PVT1: variants seen among roughly 807,000 people sequenced by gnomAD.
PVT1 encodes the protein Pvt1 oncogene, also known as CXCR4/PVT1 fusion.
rs59440311 is a variant in PVT1, at chr8:127,831,043, CGTGT to C, written n.372+34991_372+34994del. Among the ~76,000 whole-genome samples, 146 of 101,246 alleles carry C rather than the reference CGTGT, an allele frequency of 1.4e-3. 1 individual carries two copies. The highest frequency in any genetic ancestry group is 4.1e-3 in the African/African-American group (128 of 31,302). 66.4% of individuals were successfully genotyped at this position (101,246 alleles called of 152,430 possible). On this transcript the variant is annotated intron_variant and non_coding_transcript_variant, in intron 2 of 10. Coordinates refer to ENST00000651587, the Ensembl canonical transcript of PVT1. Reference sequence around the variant, plus strand: ...TAATAAACTCCTCTTTATATACATACGTGTGTGTGTGTGTGTGTGTGTATATATA... The same window carrying C: ...TAATAAACTCCTCTTTATATACATACGTGTGTGTGTGTGTGTGTATATATA...
intron 3 of PVT1, among the ~76,000 whole-genome samples, chr8:127,979,441 C>T (rs1816859335): frequency 6.6e-6 from 1 of 152,192 alleles, no homozygotes; most frequent in Non-Finnish European, 1.5e-5. Flanking sequence ...GACACAAGGC[C>T]TGAGCATCTG....
intron 2 of PVT1, among the ~76,000 whole-genome samples, chr8:127,816,918 AT>A (rs1410384305): frequency 6.6e-6 from 1 of 151,910 alleles, no homozygotes; most frequent in Non-Finnish European, 1.5e-5. Context: ...GCTGTAGCTT[AT>A]TTTTCACTGT....
intron 4 of PVT1, among the ~76,000 whole-genome samples, chr8:128,036,096 G>T (rs1586491322): frequency 6.6e-6 from 1 of 152,320 alleles, no homozygotes; most frequent in East Asian, 1.9e-4. Flanking sequence ...AGTGATGAAG[G>T]AGACTGAATG....
intron 4 of PVT1, among the ~76,000 whole-genome samples, chr8:128,044,401 T>C (rs1413159202): frequency 6.6e-6 from 1 of 152,158 alleles, no homozygotes; most frequent in Non-Finnish European, 1.5e-5. Context: ...GGTAAGTGCC[T>C]ACTAAATATT....
At chr8:127,974,908 T>C (rs1391944535) in intron 3 of PVT1, among the ~76,000 whole-genome samples, 1 of 152,178 alleles carries the variant, frequency 6.6e-6, no homozygotes, top group African/African-American at 2.4e-5. Flanking sequence ...TCACTTTTTT[T>C]TAATCCTAAA....
chr8:127,856,967 T>G (rs1295142027), intron 2 of PVT1, among the ~76,000 whole-genome samples: 1 of 152,222 alleles, frequency 6.6e-6, no homozygotes, highest in Non-Finnish European at 1.5e-5. Flanking sequence ...GGCTCATGCC[T>G]GTAATTCCAG....
intron 4 of PVT1, among the ~76,000 whole-genome samples, chr8:127,991,641 G>T (rs958912856): frequency 1.7e-4 from 26 of 152,164 alleles, no homozygotes; most frequent in African/African-American, 6.0e-4. Context: ...TCTGTCTCGG[G>T]GTGGGGTGAC....
chr8:127,973,035 G>A (rs907563913), intron 3 of PVT1, among the ~76,000 whole-genome samples: 1 of 152,144 alleles, frequency 6.6e-6, no homozygotes, highest in African/African-American at 2.4e-5. Context: ...AGGACTACAG[G>A]TTCATGCCAC....
intron 5 of PVT1, among the ~76,000 whole-genome samples, chr8:128,094,487 A>G (rs1586517001): frequency 6.6e-6 from 1 of 152,222 alleles, no homozygotes; most frequent in East Asian, 1.9e-4. Context: ...CTTTCACTCA[A>G]TGATGGCACA....
chr8:127,824,451 C>G (rs547774662), intron 2 of PVT1, among the ~76,000 whole-genome samples: 2 of 152,248 alleles, frequency 1.3e-5, no homozygotes, highest in Admixed American at 6.5e-5. Context: ...AGCCACCACT[C>G]CCAGCCAGGT....
At chr8:127,901,357 CT>C (rs1457549703) in intron 3 of PVT1, among the ~76,000 whole-genome samples, 1 of 152,086 alleles carries the variant, frequency 6.6e-6, no homozygotes, top group Non-Finnish European at 1.5e-5. Context: ...ACTGTAACCA[CT>C]TTATGAGTCT....
chr8:128,100,134 C>T, intron 6 of PVT1, among the ~76,000 whole-genome samples: 1 of 25,464 alleles, frequency 3.9e-5, no homozygotes, highest in Non-Finnish European at 8.7e-5. Context: ...TCCATCCCTC[C>T]CTCCCTTCCT....
intron 4 of PVT1, among the ~76,000 whole-genome samples, chr8:128,042,734 GTTTATTTTATTTTATTTTAT>G (rs57334940): frequency 1.8e-4 from 24 of 129,762 alleles, no homozygotes; most frequent in African/African-American, 6.7e-4. Flanking sequence ...GGACTAGGTG[GTTTATTTTATTTTATTTTAT>G]TTTATTTTAT....
intron 3 of PVT1, among the ~76,000 whole-genome samples, chr8:127,959,254 C>G (rs1816608077): frequency 6.6e-6 from 1 of 152,116 alleles, no homozygotes; most frequent in African/African-American, 2.4e-5. Flanking sequence ...TAAAGGAATT[C>G]TGGTATTCTA....
chr8:127,883,161 C>T lies in PVT1; in HGVS notation n.373-7428C>T, dbSNP rs780850202. 1.0e-4 allele frequency among the ~76,000 whole-genome samples: 15 copies of T among 150,100 alleles called. No homozygotes were observed. The South Asian group carries it at 1.3e-3, about 13-fold the overall frequency. Reference sequence around the variant, plus strand: ...GCACAGCCACACACACACTGGGAGACACTTATTATGGCTCCCCCTGCAAAC... The same window carrying T: ...GCACAGCCACACACACACTGGGAGATACTTATTATGGCTCCCCCTGCAAAC... On this transcript the variant is annotated intron_variant and non_coding_transcript_variant, in intron 2 of 10. Coordinates refer to ENST00000651587, the Ensembl canonical transcript of PVT1.
chr8:127,801,510 G>A (rs567465795), intron 2 of PVT1, among the ~76,000 whole-genome samples: 21 of 152,284 alleles, frequency 1.4e-4, no homozygotes, highest in African/African-American at 4.8e-4. Context: ...CAAAGTGTTG[G>A]GATTACAGGT....
chr8:127,866,192 C>G (rs1563625093), intron 2 of PVT1, among the ~76,000 whole-genome samples: 1 of 152,196 alleles, frequency 6.6e-6, no homozygotes, highest in Non-Finnish European at 1.5e-5. Flanking sequence ...ACCTACTCCT[C>G]AAGCTGATCA....
chr8:127,999,820 T>C (rs1817154829), intron 4 of PVT1, among the ~76,000 whole-genome samples: 1 of 152,198 alleles, frequency 6.6e-6, no homozygotes, highest in African/African-American at 2.4e-5. Context: ...CAAAAGAAGG[T>C]AATGAACAGA....
intron 3 of PVT1, among the ~76,000 whole-genome samples, chr8:127,936,034 CTTTTTTTTTTT>C (rs937905808): frequency 2.0e-5 from 2 of 101,270 alleles, no homozygotes; most frequent in South Asian, 3.5e-4. Context: ...CTCTCTCTCT[CTTTTTTTTTTT>C]TTTTTTTTTT....
Sources: allele counts gnomAD v4.1 joint callset (sites outside exome capture counted in the v4.1 genomes callset), GRCh38; gene constraint gnomAD v4.1.1; transcripts MANE v1.5; gene names NCBI Gene and HGNC (gene_info 2026-07-23, HGNC 2026-07-21).